CENPQ: variants seen among roughly 807,000 people sequenced by gnomAD.
The protein encoded by CENPQ is chromosome 6 open reading frame 139.
CENPQ carries 27 observed loss-of-function variants against 36.6 expected under a neutral mutation model. The ratio of observed to expected loss-of-function variants is 0.74; its 90% CI spans 0.54 to 1.02. CENPQ has a LOEUF of 1.02. CENPQ is among the 50% of genes least tolerant of loss of function. CENPQ has a pLI of 0.00. For missense variants in CENPQ, 306 were observed against 301.8 expected, an observed-to-expected ratio of 1.01 and a Z score of -0.10; for synonymous variants, 101 against 101.7, an observed-to-expected ratio of 0.99 and a Z score of 0.04.
intron 4 of CENPQ, among the ~76,000 whole-genome samples, chr6:49,472,570 G>T (rs1275657024): frequency 6.6e-6 from 1 of 152,102 alleles, no homozygotes; most frequent in Non-Finnish European, 1.5e-5. Flanking sequence ...AGAAGAGCCA[G>T]GCATGTAACT....
At chr6:49,487,849 T>C (rs993129618) in intron 6 of CENPQ, among the ~76,000 whole-genome samples, 2 of 152,190 alleles carry the variant, frequency 1.3e-5, no homozygotes, top group African/African-American at 4.8e-5. Flanking sequence ...ATTCCTTTAA[T>C]GTGGGAAACT....
chr6:49,471,292 G>T lies in CENPQ; in HGVS notation c.157+264G>T, dbSNP rs138674828. On this transcript the variant is annotated intron_variant, in intron 3 of 8. Transcript: ENST00000335783. ...AGAAACTCAAAGTGGCCCACAGCCTGAATTATTAGTGATCTGTGATATAAA... is the reference window on the plus strand; with the variant it reads ...AGAAACTCAAAGTGGCCCACAGCCTTAATTATTAGTGATCTGTGATATAAA... 8.5e-5 allele frequency among the ~76,000 whole-genome samples: 13 copies of T among 152,312 alleles called. No individual in the cohort carries two copies. The South Asian group carries it at 1.9e-3, about 22-fold the overall frequency.
intron 6 of CENPQ, among the ~76,000 whole-genome samples, chr6:49,484,723 A>G (rs1381030561): frequency 6.6e-6 from 1 of 152,222 alleles, no homozygotes; most frequent in African/African-American, 2.4e-5. Flanking sequence ...TTTTTAGCTA[A>G]TAGGGCGGCA....
chr6:49,477,133 C>T (rs565713311), intron 5 of CENPQ, among the ~76,000 whole-genome samples: 162 of 152,036 alleles, frequency 1.1e-3, no homozygotes, highest in Non-Finnish European at 1.8e-3. Context: ...GTGTTTACTG[C>T]GGCACTATTC....
chr6:49,472,223 A>G, intron 4 of CENPQ, 40 bp downstream of exon 4: 2 of 1,522,284 alleles, frequency 1.3e-6, no homozygotes, highest in Non-Finnish European at 1.8e-6. Flanking sequence ...TTTGGTTCCC[A>G]TTTAGGTGTT....
chr6:49,463,752 G>A (rs535843445), intron 1 of CENPQ, among the ~76,000 whole-genome samples: 25 of 152,224 alleles, frequency 1.6e-4, no homozygotes, highest in Admixed American at 6.5e-4. Context: ...TGCAGCCTTG[G>A]ACATTAGTGT....
At position 49,470,292 on chromosome 6, in the gene CENPQ, C is replaced by T. The variant is rs377223238; in HGVS notation, c.102+14C>T. On this transcript the variant is annotated intron_variant, in intron 2 of 8. Coordinates refer to ENST00000335783, the MANE Select transcript of CENPQ (RefSeq NM_018132.4). ...TCAGAGAATAAGGTAATGAAAATAT[C>T]AAGTTTCTCATTTAGAAATCTTCAA... 1.3e-6 allele frequency: 2 copies of T among 1,489,124 alleles called. No homozygotes were observed. The highest frequency in any genetic ancestry group is 1.9e-6 in the Non-Finnish European group (2 of 1,074,504). The allele number at this position is 1,489,124 out of a possible 1,614,324, so 92.2% of individuals were successfully genotyped here.
chr6:49,484,681 A>C (rs1266757767), intron 6 of CENPQ, among the ~76,000 whole-genome samples: 1 of 152,202 alleles, frequency 6.6e-6, no homozygotes, highest in African/African-American at 2.4e-5. Flanking sequence ...ATAAAGTTGA[A>C]GGAACAATTT....
At chr6:49,476,518 G>C (rs552653093) in intron 5 of CENPQ, among the ~76,000 whole-genome samples, 2 of 152,300 alleles carry the variant, frequency 1.3e-5, no homozygotes, top group African/African-American at 4.8e-5. Context: ...CATGGGCAAG[G>C]ATTTCATGTC....
chr6:49,471,933 A>G, intron 3 of CENPQ, 130 bp from the exon 4 acceptor site: 1 of 949,906 alleles, frequency 1.1e-6, no homozygotes, highest in East Asian at 2.8e-5. Flanking sequence ...TAAATTAAAC[A>G]GTTTATACAG....
intron 1 of CENPQ, among the ~76,000 whole-genome samples, chr6:49,463,899 A>G (rs1001348881): frequency 2.0e-5 from 3 of 152,138 alleles, no homozygotes; most frequent in African/African-American, 7.2e-5. Flanking sequence ...CCTAAAGCAT[A>G]TAGTCTGGCG....
intron 1 of CENPQ, among the ~76,000 whole-genome samples, chr6:49,466,814 A>C (rs1023277878): frequency 2.6e-5 from 4 of 152,188 alleles, no homozygotes; most frequent in African/African-American, 9.7e-5. Flanking sequence ...CGTTTTACTA[A>C]TGGGGAAAAT....
intron 8 of CENPQ, among the ~76,000 whole-genome samples, chr6:49,490,545 A>C (rs1768696786): frequency 6.6e-6 from 1 of 152,222 alleles, no homozygotes; most frequent in Non-Finnish European, 1.5e-5. Flanking sequence ...GTAGCACTTT[A>C]AATTTTCTTC....
At chr6:49,470,906 G>A (rs1768116453) in intron 2 of CENPQ, 68 bp from the exon 3 acceptor site, 1 of 870,942 alleles carries the variant, frequency 1.1e-6, no homozygotes, top group African/African-American at 1.7e-5. Flanking sequence ...AAAATCTATT[G>A]TAAAAGCAGG....
At chr6:49,478,046 A>G (rs1245778527) in intron 5 of CENPQ, among the ~76,000 whole-genome samples, 1 of 152,218 alleles carries the variant, frequency 6.6e-6, no homozygotes, top group African/African-American at 2.4e-5. Flanking sequence ...TATGGAGTAC[A>G]TACATTTCAA....
rs112294028 is a variant in CENPQ at position 49,481,580 on chromosome 6, G to C, written c.477+500G>C. Among the ~76,000 whole-genome samples the C allele has an allele frequency of 5.7e-3, 865 of 152,288 alleles. 5 individuals are homozygous for C. The highest frequency in any genetic ancestry group is 0.019 in the African/African-American group (771 of 41,558). On this transcript the variant is annotated intron_variant, in intron 6 of 8. Transcript: ENST00000335783. ...CACAGCATGGAAGGGGACCCGAGAGGGTTGCCACTGCTGGCTCAGGCAGCC... is the reference window on the plus strand; with the variant it reads ...CACAGCATGGAAGGGGACCCGAGAGCGTTGCCACTGCTGGCTCAGGCAGCC...
In CENPQ at chr6:49,492,600, C is replaced by T. The variant is rs889287879; in HGVS notation, c.*325C>T. 1.1e-5 allele frequency: 2 copies of T among 183,940 alleles called. No individual in the cohort carries two copies. Among genetic ancestry groups the T allele is most frequent in the African/African-American group, 4.7e-5 (2 of 42,162 alleles). 11.4% of individuals were successfully genotyped at this position (183,940 alleles called of 1,614,324 possible). A position where few individuals can be genotyped will look rare whatever the true frequency, so the allele number is the denominator to read the frequency against. On this transcript the variant is annotated 3_prime_UTR_variant, in exon 9 of 9. Coordinates refer to ENST00000335783, the MANE Select transcript of CENPQ (RefSeq NM_018132.4). ...GGAACTCATTTATTGGTTAACAGCT[C>T]ATATCAGGAGCTGTGATAAGTAAGT...
chr6:49,481,364 T>C (rs1354083066), intron 6 of CENPQ, among the ~76,000 whole-genome samples: 1 of 152,144 alleles, frequency 6.6e-6, no homozygotes, highest in Admixed American at 6.5e-5. Context: ...CTGCGGACCC[T>C]CGTGGTGAGT....
In CENPQ at chr6:49,488,364, A is replaced by G. The variant is rs780396539; in HGVS notation, c.490A>G (p.Lys164Glu). 6.2e-7 allele frequency: 1 copy of G among 1,600,042 alleles called. No individual in the cohort carries two copies. Among genetic ancestry groups the G allele is most frequent in the South Asian group, 1.1e-5 (1 of 87,684 alleles). The part of the protein sequence containing the change: ...GLALLQEEID[K>E]MVETTELMTG... ...CTTTCTGACTCAGGAAGAAATAGAT[A>G]AAATGGTAGAGACCACAGAGTTAAT... Residue 164 changes from lysine (K) to glutamate (E), a missense_variant, in exon 7 of 9, where the codon AAA becomes GAA. By Grantham distance (56) the Lys-to-Glu change is moderately conservative. Transcript: ENST00000335783.
Sources: allele counts gnomAD v4.1 joint callset (sites outside exome capture counted in the v4.1 genomes callset), GRCh38; gene constraint gnomAD v4.1.1; transcripts MANE v1.5; gene names NCBI Gene and HGNC (gene_info 2026-07-23, HGNC 2026-07-21).